The following PADI2 variants were observed in gnomAD, a reference collection of about 807,000 sequenced individuals.
PADI2 encodes protein-arginine deiminase type-2.
PADI2 carries 70 observed loss-of-function variants against 81.1 expected under a neutral mutation model. The observed-to-expected ratio is 0.86, with a 90% CI of 0.71 to 1.05. The LOEUF is 1.05. Ranked by LOEUF, PADI2 falls within the 50% of genes least tolerant of loss-of-function variation. The pLI is 0.00. For missense variants in PADI2, 853 were observed against 889.9 expected, an observed-to-expected ratio of 0.96 and a Z score of 0.53; for synonymous variants, 338 against 358.0, an observed-to-expected ratio of 0.94 and a Z score of 0.63.
In PADI2 at chr1:17,093,642, G is replaced by T. The variant is rs1219685846; in HGVS notation, c.454C>A (p.Leu152Met). ...WGPEGQGAIL[L>M]VNCDRETPWL... ...GGTGTCTCTCGGTCACAGTTCACCA[G>T]CAGGATGGCCCCCTGGCCCTCGGGG... Residue 152 changes from leucine (L) to methionine (M), a missense_variant, in exon 5 of 16, where the codon CTG becomes ATG. Transcript: ENST00000375486. 6.2e-7 allele frequency: 1 copy of T among 1,614,042 alleles called. No homozygotes were observed. The highest frequency in any genetic ancestry group is 2.2e-5 in the East Asian group (1 of 44,872).
At chr1:17,104,431 CTTTTTTTTTT>C (rs1217484961) in intron 2 of PADI2, among the ~76,000 whole-genome samples, 4 of 79,790 alleles carry the variant, frequency 5.0e-5, no homozygotes, top group Admixed American at 4.2e-4. Context: ...TTTGCCTTTT[CTTTTTTTTTT>C]TTTTTTTTTT....
intron 6 of PADI2, among the ~76,000 whole-genome samples, chr1:17,088,925 A>AAACAC (rs1553182379): frequency 1.2e-5 from 1 of 83,360 alleles, no homozygotes; most frequent in Non-Finnish European, 2.3e-5. Flanking sequence ...AAAAAAAAAA[A>AAACAC]AAAAAACCAA....
chr1:17,093,669 C>T lies in PADI2; in HGVS notation c.427G>A (p.Gly143Ser), dbSNP rs770367375. 6.2e-7 allele frequency: 1 copy of T among 1,612,592 alleles called. No homozygotes were observed. The highest frequency in any genetic ancestry group is 2.2e-5 in the East Asian group (1 of 44,874). ...AGGATGGCCCCCTGGCCCTCGGGGC[C>T]CCAGGTCCAGGATGCCTACAGTGGC... Reference protein sequence around the residue: ...NNPKKASWTWGPEGQGAILLV... With the variant: ...NNPKKASWTWSPEGQGAILLV... The change falls in exon 5 of 16, where the codon GGC becomes AGC. Residue 143 changes from glycine (G) to serine (S), a missense_variant. By Grantham distance (56) the Gly-to-Ser change is moderately conservative. Coordinates refer to ENST00000375486, the MANE Select transcript of PADI2 (RefSeq NM_007365.3).
intron 15 of PADI2, 55 bp from the exon 16 acceptor site, chr1:17,069,332 C>T: frequency 7.5e-7 from 1 of 1,327,234 alleles, no homozygotes; most frequent in Non-Finnish European, 1.1e-6. Context: ...ACCTAGTACA[C>T]ACATGCCTAT....
chr1:17,083,659 T>C (rs1270364898), intron 9 of PADI2, 67 bp downstream of exon 9: 4 of 964,282 alleles, frequency 4.1e-6, no homozygotes, highest in Non-Finnish European at 6.8e-6. Context: ...GCAGTTCACA[T>C]GAAGCCAACT....
intron 1 of PADI2, among the ~76,000 whole-genome samples, chr1:17,110,819 T>A (rs1569595521): frequency 6.6e-6 from 1 of 152,336 alleles, no homozygotes; most frequent in East Asian, 1.9e-4. Flanking sequence ...CTGGCCCTTT[T>A]GGCAGTTCAC....
intron 1 of PADI2, among the ~76,000 whole-genome samples, chr1:17,108,414 C>G (rs924981940): frequency 6.6e-6 from 1 of 152,112 alleles, no homozygotes; most frequent in East Asian, 1.9e-4. Context: ...CTGCCACCCT[C>G]CTGCCCATAG....
chr1:17,080,165 G>A (rs563333923), intron 10 of PADI2, among the ~76,000 whole-genome samples: 3 of 152,292 alleles, frequency 2.0e-5, no homozygotes, highest in Non-Finnish European at 2.9e-5. Context: ...ATTATTTCCA[G>A]AGATTTGCTA....
At position 17,083,745 on chromosome 1, in the gene PADI2, C is replaced by A. The variant is rs752305032; in HGVS notation, c.1031G>T (p.Arg344Leu). The change falls in exon 9 of 16, where the codon CGA becomes CTA. Residue 344 changes from arginine (R) to leucine (L), a missense_variant. Transcript: ENST00000375486. ...CCTTACCTGGATCCAGCGATCGCCT[C>A]GGTTTAGGTACTGGAAGCAGACCTT... is the stretch of plus-strand genomic sequence containing the variant. ...ELKVCFQYLN[R>L]GDRWIQDEIE... is the part of the protein sequence containing the mutation. 1 of 1,612,716 alleles carries A rather than the reference C, an allele frequency of 6.2e-7. No individual in the cohort carries two copies. Among genetic ancestry groups the A allele is most frequent in the South Asian group, 1.1e-5 (1 of 91,062 alleles).
chr1:17,079,116 A>T, intron 11 of PADI2, 148 bp downstream of exon 11: 1 of 615,454 alleles, frequency 1.6e-6, no homozygotes, highest in Non-Finnish European at 2.8e-6. Flanking sequence ...TTTTCTTTCC[A>T]AGAGTGTCGG....
intron 3 of PADI2, among the ~76,000 whole-genome samples, chr1:17,099,624 G>C (rs1931070006): frequency 6.6e-6 from 1 of 152,164 alleles, no homozygotes. Flanking sequence ...AAGGAATCAT[G>C]AATTTGCTCC....
chr1:17,070,332 T>G (rs1195664479), intron 14 of PADI2, 116 bp from the exon 15 acceptor site: 3 of 1,351,268 alleles, frequency 2.2e-6, no homozygotes, highest in Non-Finnish European at 3.1e-6. Flanking sequence ...CCAGAGAGAC[T>G]TCTAGCAGTC....
chr1:17,096,041 T>A, intron 3 of PADI2, 71 bp from the exon 4 acceptor site: 1 of 1,230,858 alleles, frequency 8.1e-7, no homozygotes, highest in Non-Finnish European at 1.2e-6. Flanking sequence ...GAGGAAGACC[T>A]GTGGGATTTG....
intron 3 of PADI2, among the ~76,000 whole-genome samples, chr1:17,097,389 G>A (rs1930974675): frequency 6.6e-6 from 1 of 152,206 alleles, no homozygotes; most frequent in South Asian, 2.1e-4. Flanking sequence ...GACTTTTCCA[G>A]TCTAGAAGGA....
Position 17,074,877 on chromosome 1 carries a change from C to T in PADI2, c.1528G>A (p.Gly510Arg), listed in dbSNP as rs766728709. Residue 510 changes from glycine to arginine, a missense_variant, in exon 13 of 16, where the codon GGA (glycine) becomes AGA (arginine). Transcript: ENST00000375486. ...LFREKQKDGH[G>R]EAIMFKGLGG... is the part of the protein sequence containing the mutation. ...TCACCTTTGAACATGATGGCCTCTC[C>T]ATGGCCGTCCTTCTGCTTCTCTCGG... 10 of 1,612,476 alleles carry T rather than the reference C, an allele frequency of 6.2e-6. No individual in the cohort carries two copies. The highest frequency in any genetic ancestry group is 8.5e-6 in the Non-Finnish European group (10 of 1,179,092).
intron 3 of PADI2, among the ~76,000 whole-genome samples, chr1:17,101,559 C>A (rs1931143592): frequency 6.6e-6 from 1 of 152,142 alleles, no homozygotes; most frequent in African/African-American, 2.4e-5. Flanking sequence ...TCCCGAGGTT[C>A]CCTACCCCAG....
At chr1:17,112,524 G>GA (rs1931620238) in intron 1 of PADI2, among the ~76,000 whole-genome samples, 1 of 20,078 alleles carries the variant, frequency 5.0e-5, no homozygotes, top group Non-Finnish European at 2.1e-4. Flanking sequence ...AGAGGAGTCT[G>GA]GGGGGGGGAG....
chr1:17,093,220 T>A (rs1441173608), intron 5 of PADI2, among the ~76,000 whole-genome samples: 1 of 151,798 alleles, frequency 6.6e-6, no homozygotes, highest in Non-Finnish European at 1.5e-5. Context: ...CTCAGCCTCC[T>A]GAGTAGTTGG....
intron 4 of PADI2, among the ~76,000 whole-genome samples, chr1:17,094,646 G>C (rs866544425): frequency 4.6e-5 from 7 of 152,108 alleles, no homozygotes; most frequent in African/African-American, 1.7e-4. Flanking sequence ...GTGTCCCCTG[G>C]GCCTGACCCG....
Sources: allele counts gnomAD v4.1 joint callset (sites outside exome capture counted in the v4.1 genomes callset), GRCh38; gene constraint gnomAD v4.1.1; transcripts MANE v1.5; gene names NCBI Gene and HGNC (gene_info 2026-07-23, HGNC 2026-07-21).